MAPK10: variants seen among roughly 807,000 people sequenced by gnomAD.
MAPK10 encodes the protein mitogen-activated protein kinase 10, also known as JNK3 alpha protein kinase.
In MAPK10, 25 loss-of-function variants were observed where a neutral mutation model predicts 59.3. The observed-to-expected ratio is 0.42, with a 90% CI of 0.31 to 0.59. MAPK10 has a LOEUF of 0.59. MAPK10 is among the 20% of genes least tolerant of loss of function. The pLI, the probability that MAPK10 is intolerant of heterozygous loss-of-function variation, is 0.15. For synonymous variants in MAPK10, 190 were observed against 200.5 expected (o/e 0.95, Z 0.44); for missense variants, 351 against 568.9 (o/e 0.62, Z 3.90).
chr4:86,109,426 G>A (rs377063386), intron 4 of MAPK10, among the ~76,000 whole-genome samples: 4 of 151,968 alleles, frequency 2.6e-5, no homozygotes, highest in African/African-American at 4.8e-5. Flanking sequence ...TCTGGTTCCC[G>A]TCCCTGTGTC....
intron 1 of MAPK10, among the ~76,000 whole-genome samples, chr4:86,444,083 CACA>C (rs1179991900): frequency 6.6e-6 from 1 of 151,018 alleles, no homozygotes; most frequent in African/African-American, 2.4e-5. Flanking sequence ...CCAAGAACTG[CACA>C]ACAACTACAA....
At chr4:86,589,983 TAA>T (rs74874164) in intron 1 of MAPK10, among the ~76,000 whole-genome samples, 17 of 129,638 alleles carry the variant, frequency 1.3e-4, no homozygotes, top group Non-Finnish European at 1.3e-4. Context: ...GACTCCATCT[TAA>T]AAAAAAAAAA....
intron 1 of MAPK10, among the ~76,000 whole-genome samples, chr4:86,461,195 C>G (rs570667144): frequency 1.3e-5 from 2 of 151,652 alleles, no homozygotes; most frequent in Middle Eastern, 6.8e-3. Context: ...AGGCCTGTGA[C>G]AAAGCCCAAG....
In MAPK10 at chr4:86,102,036, G is replaced by A; in HGVS notation, c.426-4C>T. ...CATCAGTTCCATTACTAAGTAACTA[G>A]AAGGGTGAATCCACAGTGTTAGTTC... On this transcript the variant is annotated splice_polypyrimidine_tract_variant and splice_region_variant and intron_variant, in intron 6 of 13. Transcript: ENST00000641462. 1 of 1,613,454 alleles carries A rather than the reference G, an allele frequency of 6.2e-7. No homozygotes were observed.
intron 6 of MAPK10, 51 bp downstream of exon 6, chr4:86,103,135 G>A: frequency 1.9e-6 from 2 of 1,052,210 alleles, no homozygotes; most frequent in Non-Finnish European, 2.9e-6. Flanking sequence ...ATTTTCCCTT[G>A]GGCTATCTGA....
At chr4:86,187,862 G>A (rs1003719062) in intron 3 of MAPK10, among the ~76,000 whole-genome samples, 7 of 152,058 alleles carry the variant, frequency 4.6e-5, no homozygotes, top group Non-Finnish European at 7.4e-5. Flanking sequence ...GTGGTTTGCT[G>A]CACCCATCAA....
intron 9 of MAPK10, chr4:86,080,831 A>C (rs2050496112): frequency 6.6e-6 from 1 of 152,040 alleles, no homozygotes; most frequent in Non-Finnish European, 1.5e-5. Context: ...AATCATCTTA[A>C]TTAAAATAGC....
At chr4:86,573,279 T>A (rs1289633316) in intron 1 of MAPK10, among the ~76,000 whole-genome samples, 6 of 152,218 alleles carry the variant, frequency 3.9e-5, no homozygotes, top group African/African-American at 1.4e-4. Context: ...CTATGTACAA[T>A]TTCAAGTTAA....
At chr4:86,438,797 G>C (rs996102058) in intron 1 of MAPK10, among the ~76,000 whole-genome samples, 5 of 152,062 alleles carry the variant, frequency 3.3e-5, no homozygotes, top group African/African-American at 1.2e-4. Context: ...ATGCAAGTCT[G>C]ACTCGAGCAA....
chr4:86,523,723 A>C (rs1393941895), intron 1 of MAPK10, among the ~76,000 whole-genome samples: 1 of 151,900 alleles, frequency 6.6e-6, no homozygotes, highest in Non-Finnish European at 1.5e-5. Context: ...CCTACTTTCC[A>C]GAGTCCTTTA....
In MAPK10 at chr4:86,031,374, A is replaced by G. The variant is rs142571603; in HGVS notation, c.1168T>C (p.Trp390Arg). 1 of 1,609,912 alleles carries G rather than the reference A, an allele frequency of 6.2e-7. No individual in the cohort carries two copies. ...TTTTAAGTAGTAGACTTACCTTTCC[A>G]TTCTTCAATTGTGTGTTCTCTTTCA... ...LDEREHTIEE[W>R]KELIYKEVMN... The change falls in exon 12 of 14, where the codon TGG (tryptophan) becomes CGG (arginine). Residue 390 changes from tryptophan (W) to arginine (R), a missense_variant. Trp to Arg is a moderately radical substitution (Grantham distance 101). Around this residue, in one of 5 missense-constraint regions of MAPK10, gnomAD observed 155 missense variants for 204.2 expected, o/e 0.76. Transcript: ENST00000641462.
chr4:86,475,154 C>T (rs1377967861), intron 1 of MAPK10, among the ~76,000 whole-genome samples: 3 of 152,130 alleles, frequency 2.0e-5, no homozygotes, highest in Non-Finnish European at 4.4e-5. Flanking sequence ...CCCACCTGCA[C>T]CCAGGTGATT....
chr4:86,463,255 G>A (rs1480487452), intron 1 of MAPK10, among the ~76,000 whole-genome samples: 1 of 152,202 alleles, frequency 6.6e-6, no homozygotes, highest in Non-Finnish European at 1.5e-5. Context: ...GGATGTAAAA[G>A]ATTGTTTCTT....
intron 3 of MAPK10, among the ~76,000 whole-genome samples, chr4:86,183,161 T>C (rs1320153319): frequency 2.6e-5 from 4 of 152,134 alleles, no homozygotes; most frequent in Admixed American, 6.6e-5. Flanking sequence ...TATTATACTT[T>C]AAGTTTTAGG....
chr4:86,038,872 T>G (rs973940061), intron 11 of MAPK10, among the ~76,000 whole-genome samples: 1 of 152,176 alleles, frequency 6.6e-6, no homozygotes, highest in Non-Finnish European at 1.5e-5. Context: ...ATATAATTAA[T>G]TCCTATGATT....
At chr4:86,560,887 G>A (rs554630208) in intron 1 of MAPK10, among the ~76,000 whole-genome samples, 2 of 152,210 alleles carry the variant, frequency 1.3e-5, no homozygotes, top group African/African-American at 2.4e-5. Flanking sequence ...GGAATGAAGC[G>A]TGTTTGCCAC....
At chr4:86,284,535 A>G (rs1483439645) in intron 2 of MAPK10, among the ~76,000 whole-genome samples, 1 of 152,136 alleles carries the variant, frequency 6.6e-6, no homozygotes, top group Non-Finnish European at 1.5e-5. Flanking sequence ...TACTTCTTCC[A>G]CAGAGCTCTG....
chr4:86,013,909 T>C lies in MAPK10; in HGVS notation c.*3319A>G, dbSNP rs570085632. The stretch of plus-strand genomic sequence containing the variant: ...TTTTATTCCACAAGAAGAAATTCCG[T>C]TGTAAGGCTAGTGTATTCCTATTTA... On this transcript the variant is annotated 3_prime_UTR_variant, in exon 14 of 14. Transcript: ENST00000641462. 1.3e-5 allele frequency: 2 copies of C among 152,318 alleles called. No individual in the cohort carries two copies. The highest frequency in any genetic ancestry group is 4.8e-5 in the African/African-American group (2 of 41,574). The allele number at this position is 152,318 out of a possible 1,614,324, so 9.4% of individuals were successfully genotyped here. A position where few individuals can be genotyped will look rare whatever the true frequency, so the allele number is the denominator to read the frequency against.
chr4:86,514,553 C>T (rs1445006871), intron 1 of MAPK10, among the ~76,000 whole-genome samples: 3 of 152,142 alleles, frequency 2.0e-5, no homozygotes, highest in Admixed American at 1.3e-4. Flanking sequence ...ACTTAAAACA[C>T]TCTCATACAT....
Sources: allele counts gnomAD v4.1 joint callset (sites outside exome capture counted in the v4.1 genomes callset), GRCh38; gene constraint gnomAD v4.1.1; regional missense constraint gnomAD v4.1.1; transcripts MANE v1.5; gene names NCBI Gene and HGNC (gene_info 2026-07-23, HGNC 2026-07-21).